NMNAT3: variants seen among roughly 807,000 people sequenced by gnomAD.
The protein encoded by NMNAT3 is nicotinamide/nicotinic acid mononucleotide adenylyltransferase 3.
A neutral mutation model predicts 24.8 loss-of-function variants in NMNAT3; 21 were observed. The observed-to-expected ratio is 0.85, with a 90% CI of 0.60 to 1.22. NMNAT3 has a LOEUF of 1.22. NMNAT3 is among the 50% of genes most tolerant of loss of function. NMNAT3 has a pLI of 0.00. For synonymous variants in NMNAT3, 136 were observed against 155.2 expected, an observed-to-expected ratio of 0.88 and a Z score of 0.92; for missense variants, 387 against 436.6, an observed-to-expected ratio of 0.89 and a Z score of 1.01.
chr3:139,631,185 C>T lies in NMNAT3; in HGVS notation c.-40-3421G>A, dbSNP rs369942504. 9.9e-5 allele frequency among the ~76,000 whole-genome samples: 15 copies of T among 152,162 alleles called. No individual in the cohort carries two copies. The South Asian group carries it at 2.9e-3, about 30-fold the overall frequency. The stretch of plus-strand genomic sequence containing the variant: ...TAGTGGTGACTGTGCTATGTCTGGG[C>T]CATATCGCAGGCTGAAGGACACAGG... On this transcript the variant is annotated intron_variant, in intron 2 of 6. Transcript: ENST00000643695.
chr3:139,643,718 G>T (rs963029234), intron 1 of NMNAT3, among the ~76,000 whole-genome samples: 1 of 152,114 alleles, frequency 6.6e-6, no homozygotes, highest in Non-Finnish European at 1.5e-5. Flanking sequence ...CGGTGCCGGG[G>T]GTGGGAGGAG....
intron 3 of NMNAT3, among the ~76,000 whole-genome samples, chr3:139,611,459 G>A (rs971748309): frequency 2.0e-5 from 3 of 152,176 alleles, no homozygotes; most frequent in East Asian, 1.9e-4. Context: ...GAGAGATGGG[G>A]TAAATTGTTC....
chr3:139,644,946 G>A (rs187229502), intron 1 of NMNAT3, among the ~76,000 whole-genome samples: 1 of 152,326 alleles, frequency 6.6e-6, no homozygotes, highest in Non-Finnish European at 1.5e-5. Flanking sequence ...GCTCACACCT[G>A]TAATCCCAGT....
chr3:139,575,149 T>C (rs1254659025), intron 5 of NMNAT3, among the ~76,000 whole-genome samples: 1 of 152,214 alleles, frequency 6.6e-6, no homozygotes, highest in Non-Finnish European at 1.5e-5. Context: ...CTAGCACCCA[T>C]GAAAATGCTC....
intron 5 of NMNAT3, among the ~76,000 whole-genome samples, chr3:139,573,984 G>T (rs545808318): frequency 1.3e-5 from 2 of 152,200 alleles, no homozygotes; most frequent in East Asian, 3.9e-4. Flanking sequence ...AAAAAAAAAG[G>T]AGGCACTGCT....
chr3:139,588,468 T>C (rs1010847334), intron 3 of NMNAT3, among the ~76,000 whole-genome samples: 18 of 152,140 alleles, frequency 1.2e-4, no homozygotes, highest in Non-Finnish European at 4.4e-5. Context: ...GAGACAATAG[T>C]TGGGAAAATG....
rs538346940 is a variant in NMNAT3, at chr3:139,594,533, C to G, written c.110-11325G>C. On this transcript the variant is annotated intron_variant, in intron 3 of 6. Coordinates refer to ENST00000643695, the MANE Select transcript of NMNAT3 (RefSeq NM_001320510.2). ...AAAAAAGAGAATTTTAGACCAGTATCCTTGATGAACATTGATGCAAAAATC... is the reference window on the plus strand; with the variant it reads ...AAAAAAGAGAATTTTAGACCAGTATGCTTGATGAACATTGATGCAAAAATC... Among the ~76,000 whole-genome samples, 689 of 152,344 alleles carry G rather than the reference C, an allele frequency of 4.5e-3. 6 individuals carry two copies. Among genetic ancestry groups the G allele is most frequent in the Admixed American group, 5.2e-3 (79 of 15,292 alleles).
At chr3:139,626,136 T>G (rs1485308100) in intron 3 of NMNAT3, among the ~76,000 whole-genome samples, 1 of 152,160 alleles carries the variant, frequency 6.6e-6, no homozygotes, top group Non-Finnish European at 1.5e-5. Flanking sequence ...TTTGTTCAGA[T>G]AGTTGGATCT....
chr3:139,588,138 C>T (rs1189216526), intron 3 of NMNAT3, among the ~76,000 whole-genome samples: 1 of 152,154 alleles, frequency 6.6e-6, no homozygotes, highest in Non-Finnish European at 1.5e-5. Context: ...GTCACAATCC[C>T]AGTGACCCTC....
intron 1 of NMNAT3, among the ~76,000 whole-genome samples, chr3:139,643,414 A>ATATTCACAGCAGCAT (rs2056771129): frequency 1.3e-5 from 2 of 152,250 alleles, no homozygotes; most frequent in African/African-American, 4.8e-5. Context: ...TTGTACACCC[A>ATATTCACAGCAGCAT]TATTCACAGC....
At chr3:139,584,840 T>C (rs1020350956) in intron 3 of NMNAT3, among the ~76,000 whole-genome samples, 22 of 152,350 alleles carry the variant, frequency 1.4e-4, no homozygotes, top group African/African-American at 5.3e-4. Flanking sequence ...ACTAATTGTT[T>C]TGCTTAAATC....
chr3:139,589,456 A>C (rs2108157519), intron 3 of NMNAT3, among the ~76,000 whole-genome samples: 1 of 152,350 alleles, frequency 6.6e-6, no homozygotes, highest in Middle Eastern at 3.4e-3. Context: ...GAGGTTTAAC[A>C]TACAGAACTG....
intron 1 of NMNAT3, among the ~76,000 whole-genome samples, chr3:139,665,457 A>C (rs1360827144): frequency 6.6e-6 from 1 of 152,138 alleles, no homozygotes; most frequent in African/African-American, 2.4e-5. Flanking sequence ...ACAGTCCATA[A>C]TCTCTAGGAG....
At chr3:139,659,901 T>C (rs914929157) in intron 1 of NMNAT3, among the ~76,000 whole-genome samples, 13 of 152,232 alleles carry the variant, frequency 8.5e-5, no homozygotes, top group African/African-American at 2.9e-4. Context: ...TGGGTGCTTC[T>C]AGAAATGCAC....
chr3:139,604,941 G>A (rs543376551), intron 3 of NMNAT3, among the ~76,000 whole-genome samples: 11 of 152,272 alleles, frequency 7.2e-5, no homozygotes, highest in Non-Finnish European at 1.5e-4. Flanking sequence ...ACCACTCTCA[G>A]CAAAATCCTC....
chr3:139,572,403 G>A (rs1938534789), intron 6 of NMNAT3, among the ~76,000 whole-genome samples: 2 of 152,246 alleles, frequency 1.3e-5, no homozygotes, highest in Admixed American at 6.5e-5. Context: ...TATATAGGAG[G>A]TATTGTAACT....
chr3:139,614,831 T>C (rs2055410538), intron 3 of NMNAT3, among the ~76,000 whole-genome samples: 1 of 152,224 alleles, frequency 6.6e-6, no homozygotes, highest in South Asian at 2.1e-4. Flanking sequence ...TTGGTGACCG[T>C]GTACATATCT....
At chr3:139,627,796 G>C (rs2056121363) in intron 2 of NMNAT3, 32 bp from the exon 4 acceptor site, 1 of 778,640 alleles carries the variant, frequency 1.3e-6, no homozygotes, top group Admixed American at 2.5e-5. Flanking sequence ...ATGTCAGGGA[G>C]TTAGCACTGA....
chr3:139,604,003 C>T (rs1294077372), intron 3 of NMNAT3, among the ~76,000 whole-genome samples: 1 of 152,158 alleles, frequency 6.6e-6, no homozygotes, highest in Non-Finnish European at 1.5e-5. Context: ...CAAGTGGAAC[C>T]AGACATGGTA....
Sources: allele counts gnomAD v4.1 joint callset (sites outside exome capture counted in the v4.1 genomes callset), GRCh38; gene constraint gnomAD v4.1.1; transcripts MANE v1.5; gene names NCBI Gene and HGNC (gene_info 2026-07-23, HGNC 2026-07-21).